The following BRINP3 variants were observed in gnomAD, a reference collection of about 807,000 sequenced individuals.
BRINP3 encodes BMP/retinoic acid inducible neural specific 3.
In BRINP3, 19 loss-of-function variants were observed where a neutral mutation model predicts 71.0. That is an observed-to-expected ratio of 0.27 (90% CI 0.19 to 0.39). BRINP3 has a LOEUF of 0.39. Among genes scored for constraint, BRINP3 ranks in the 10% least tolerant of loss-of-function variants. BRINP3 has a pLI of 1.00. For missense variants in BRINP3, 959 were observed against 940.8 expected (o/e 1.02, Z -0.25); for synonymous variants, 380 against 337.7 (o/e 1.13, Z -1.37).
chr1:190,122,282 A>G (rs981697304), intron 7 of BRINP3, among the ~76,000 whole-genome samples: 1 of 152,116 alleles, frequency 6.6e-6, no homozygotes, highest in Non-Finnish European at 1.5e-5. Flanking sequence ...TATAAATATT[A>G]TACTGGGTTG....
At chr1:190,127,011 CAA>C (rs1654139609) in intron 7 of BRINP3, among the ~76,000 whole-genome samples, 1 of 151,794 alleles carries the variant, frequency 6.6e-6, no homozygotes. Context: ...AATTTGATCA[CAA>C]ACAGTATTTA....
At chr1:190,241,214 C>G (rs773510131) in intron 4 of BRINP3, among the ~76,000 whole-genome samples, 7 of 151,964 alleles carry the variant, frequency 4.6e-5, no homozygotes, top group Admixed American at 2.0e-4. Context: ...GACAATATAT[C>G]TAAATTTTTT....
chr1:190,250,993 G>C (rs953834567), intron 4 of BRINP3, among the ~76,000 whole-genome samples: 6 of 151,798 alleles, frequency 4.0e-5, no homozygotes, highest in Non-Finnish European at 7.4e-5. Context: ...AAGATGGGAG[G>C]ATCTCTTGAG....
intron 2 of BRINP3, among the ~76,000 whole-genome samples, chr1:190,309,542 T>C (rs1360784870): frequency 2.0e-5 from 3 of 151,862 alleles, no homozygotes; most frequent in Non-Finnish European, 4.4e-5. Flanking sequence ...TAACTTTCTA[T>C]AGTTCCAACA....
At chr1:190,275,350 C>A (rs1340680541) in intron 3 of BRINP3, among the ~76,000 whole-genome samples, 1 of 151,492 alleles carries the variant, frequency 6.6e-6, no homozygotes, top group Non-Finnish European at 1.5e-5. Context: ...TATACAGATA[C>A]TTTAAACAGT....
At chr1:190,185,792 G>A (rs1019039025) in intron 6 of BRINP3, among the ~76,000 whole-genome samples, 3 of 152,018 alleles carry the variant, frequency 2.0e-5, no homozygotes, top group Non-Finnish European at 2.9e-5. Flanking sequence ...GATGTACAAC[G>A]ATAAAATAAT....
intron 7 of BRINP3, 60 bp downstream of exon 7, chr1:190,160,608 A>C: frequency 7.0e-7 from 1 of 1,435,910 alleles, no homozygotes; most frequent in Non-Finnish European, 9.6e-7. Flanking sequence ...TCAGAAAAAT[A>C]AATAGAACTC....
At chr1:190,284,012 A>T (rs982815847) in intron 2 of BRINP3, among the ~76,000 whole-genome samples, 5 of 151,984 alleles carry the variant, frequency 3.3e-5, no homozygotes, top group Non-Finnish European at 5.9e-5. Context: ...TAGACTAAAA[A>T]ATCCAAGATG....
At chr1:190,150,356 T>C (rs771597273) in intron 7 of BRINP3, among the ~76,000 whole-genome samples, 2 of 152,138 alleles carry the variant, frequency 1.3e-5, no homozygotes, top group Non-Finnish European at 2.9e-5. Context: ...AGATTATTTA[T>C]AGGGACTATT....
intron 6 of BRINP3, among the ~76,000 whole-genome samples, chr1:190,219,041 C>T (rs952783528): frequency 4.6e-5 from 7 of 152,102 alleles, no homozygotes; most frequent in South Asian, 4.1e-4. Context: ...TTATTTACAA[C>T]GGCAATGCAA....
At chr1:190,320,031 T>C (rs545540211) in intron 2 of BRINP3, among the ~76,000 whole-genome samples, 1 of 152,170 alleles carries the variant, frequency 6.6e-6, no homozygotes, top group Non-Finnish European at 1.5e-5. Flanking sequence ...TGTGTGTGTG[T>C]AAATGTATGT....
chr1:190,148,649 A>AAATT (rs1553249540), intron 7 of BRINP3, among the ~76,000 whole-genome samples: 51 of 142,086 alleles, frequency 3.6e-4, no homozygotes, highest in Middle Eastern at 3.6e-3. Flanking sequence ...ATAAATAAAT[A>AAATT]AATTCTATCT....
At chr1:190,108,681 A>G (rs934095480) in intron 7 of BRINP3, among the ~76,000 whole-genome samples, 3 of 150,212 alleles carry the variant, frequency 2.0e-5, no homozygotes, top group African/African-American at 4.9e-5. Flanking sequence ...TTAAATTACT[A>G]TCTCACATCT....
intron 6 of BRINP3, among the ~76,000 whole-genome samples, chr1:190,179,259 A>C (rs1309353229): frequency 6.6e-6 from 1 of 152,152 alleles, no homozygotes; most frequent in Non-Finnish European, 1.5e-5. Context: ...TCATTTTATT[A>C]AAATAGAAAC....
chr1:190,381,306 A>AC lies in BRINP3; in HGVS notation c.236+73348dup, dbSNP rs771497480. 4.8e-4 allele frequency among the ~76,000 whole-genome samples: 73 copies of AC among 152,078 alleles called. 1 individual carries two copies. Among genetic ancestry groups the AC allele is most frequent in the African/African-American group, 1.5e-3 (61 of 41,494 alleles). Reference sequence around the variant, plus strand: ...AAACAAAACGAAACAAAACAAAAAAACACCGACGATCTGTGCAAAATTCTT... The same window carrying AC: ...AAACAAAACGAAACAAAACAAAAAAACCACCGACGATCTGTGCAAAATTCTT... On this transcript the variant is annotated intron_variant, in intron 2 of 7. Coordinates refer to ENST00000367462, the MANE Select transcript of BRINP3 (RefSeq NM_199051.3).
At chr1:190,121,178 G>A (rs890612042) in intron 7 of BRINP3, among the ~76,000 whole-genome samples, 12 of 152,200 alleles carry the variant, frequency 7.9e-5, no homozygotes, top group East Asian at 1.9e-4. Context: ...AAAACCGGCC[G>A]GAGCTATAGT....
intron 4 of BRINP3, among the ~76,000 whole-genome samples, chr1:190,248,847 T>C (rs1272118442): frequency 6.6e-6 from 1 of 151,778 alleles, no homozygotes; most frequent in East Asian, 1.9e-4. Context: ...CATCTTATGG[T>C]TATGAGACAG....
Position 190,112,676 on chromosome 1 carries a change from G to A in BRINP3, c.1185-13542C>T, listed in dbSNP as rs1420168663. Among the ~76,000 whole-genome samples the A allele has an allele frequency of 3.9e-5, 6 of 152,054 alleles. No individual in the cohort carries two copies. In the East Asian group the frequency reaches 1.2e-3, roughly 29 times the overall value. On this transcript the variant is annotated intron_variant, in intron 7 of 7. Coordinates refer to ENST00000367462, the MANE Select transcript of BRINP3 (RefSeq NM_199051.3). ...CTTTAGTGTCTTCTTAACTGTATTT[G>A]GATTCTTGTAAGGAATATTTTATTC...
At chr1:190,359,144 A>C (rs1408650008) in intron 2 of BRINP3, among the ~76,000 whole-genome samples, 5 of 152,168 alleles carry the variant, frequency 3.3e-5, no homozygotes, top group Non-Finnish European at 7.4e-5. Flanking sequence ...CAGGTACCCT[A>C]AAACTTAAAG....
Sources: gnomAD v4.1 joint callset for allele counts (sites outside exome capture counted in the v4.1 genomes callset) on GRCh38, gnomAD v4.1.1 for gene constraint, MANE v1.5 for transcripts, NCBI Gene and HGNC (gene_info 2026-07-23, HGNC 2026-07-21) for gene names.